PDE10A: variants seen among roughly 807,000 people sequenced by gnomAD.
PDE10A encodes the protein phosphodiesterase 10A.
PDE10A carries 39 observed loss-of-function variants against 97.7 expected under a neutral mutation model. That is an observed-to-expected ratio of 0.40 (90% CI 0.31 to 0.52). PDE10A has a LOEUF of 0.52. PDE10A is among the 20% of genes least tolerant of loss of function. PDE10A has a pLI of 0.56. For missense variants in PDE10A, 731 were observed against 1,047.8 expected, an observed-to-expected ratio of 0.70 and a Z score of 4.17; for synonymous variants, 371 against 376.8, an observed-to-expected ratio of 0.98 and a Z score of 0.18.
At chr6:165,730,907 G>T (rs965059800) in intron 1 of PDE10A, among the ~76,000 whole-genome samples, 1 of 151,202 alleles carries the variant, frequency 6.6e-6, no homozygotes, top group Admixed American at 6.6e-5. Context: ...TTAGCCTGGC[G>T]TGGTGGCGGG....
intron 1 of PDE10A, among the ~76,000 whole-genome samples, chr6:165,744,314 T>G (rs898769939): frequency 1.3e-5 from 2 of 152,232 alleles, no homozygotes; most frequent in African/African-American, 4.8e-5. Context: ...TAGTAAAGAC[T>G]GTGCCAGTTT....
chr6:165,378,960 T>G (rs988375359), intron 18 of PDE10A, among the ~76,000 whole-genome samples: 3 of 152,200 alleles, frequency 2.0e-5, no homozygotes, highest in African/African-American at 4.8e-5. Flanking sequence ...CCTGTGTGAT[T>G]AGTGTAACTT....
intron 1 of PDE10A, among the ~76,000 whole-genome samples, chr6:165,850,270 G>A (rs1160580570): frequency 6.6e-6 from 1 of 152,150 alleles, no homozygotes; most frequent in Non-Finnish European, 1.5e-5. Context: ...CATCATCCGT[G>A]CAAATATCAT....
chr6:165,599,444 G>A (rs1383830810), intron 1 of PDE10A, among the ~76,000 whole-genome samples: 1 of 152,146 alleles, frequency 6.6e-6, no homozygotes, highest in Non-Finnish European at 1.5e-5. Context: ...ACATTTCAGT[G>A]TTAGTTTTCA....
chr6:165,723,975 G>A (rs1183442598), intron 1 of PDE10A, among the ~76,000 whole-genome samples: 1 of 152,106 alleles, frequency 6.6e-6, no homozygotes, highest in East Asian at 1.9e-4. Context: ...GGTTATGTAA[G>A]CGATTCCACA....
intron 1 of PDE10A, among the ~76,000 whole-genome samples, chr6:165,617,564 G>C (rs1787785078): frequency 6.6e-6 from 1 of 152,100 alleles, no homozygotes; most frequent in Admixed American, 6.6e-5. Flanking sequence ...GGGGAGGTGG[G>C]AGTAATGGAG....
chr6:165,489,082 T>A (rs1765329146), intron 2 of PDE10A, among the ~76,000 whole-genome samples: 1 of 152,122 alleles, frequency 6.6e-6, no homozygotes, highest in African/African-American at 2.4e-5. Flanking sequence ...GTCTTCTCAC[T>A]ATACAACCTC....
Position 165,458,010 on chromosome 6 carries a change from C to T in PDE10A, c.1024-7648G>A, listed in dbSNP as rs552865533. Among the ~76,000 whole-genome samples the T allele has an allele frequency of 5.8e-4, 88 of 152,074 alleles. 1 individual carries two copies. The highest frequency in any genetic ancestry group is 1.1e-3 in the Non-Finnish European group (73 of 67,978). On this transcript the variant is annotated intron_variant, in intron 3 of 21. Coordinates refer to ENST00000539869, the MANE Select transcript of PDE10A (RefSeq NM_001385079.1). The stretch of plus-strand genomic sequence containing the variant: ...CAGAAGGCCAACAATAAACAAGAAG[C>T]CATAATGAGACAAATGTTAAATTGG...
At chr6:165,538,578 T>C (rs1427844682) in intron 2 of PDE10A, among the ~76,000 whole-genome samples, 1 of 152,156 alleles carries the variant, frequency 6.6e-6, no homozygotes, top group Non-Finnish European at 1.5e-5. Flanking sequence ...ATGCCAAATA[T>C]AGTCATGCTA....
At chr6:165,689,043 C>T (rs146577324) in intron 1 of PDE10A, among the ~76,000 whole-genome samples, 21 of 152,208 alleles carry the variant, frequency 1.4e-4, no homozygotes, top group South Asian at 4.1e-4. Flanking sequence ...TCCATTGGCA[C>T]GGCTTATGCA....
chr6:165,476,124 A>C (rs1779281252), intron 3 of PDE10A, among the ~76,000 whole-genome samples: 1 of 152,202 alleles, frequency 6.6e-6, no homozygotes, highest in South Asian at 2.1e-4. Context: ...ACATTTAAAA[A>C]AAAATCAGCA....
intron 1 of PDE10A, among the ~76,000 whole-genome samples, chr6:165,769,784 T>C (rs1331482058): frequency 1.3e-5 from 2 of 152,320 alleles, no homozygotes; most frequent in East Asian, 1.9e-4. Flanking sequence ...AGAGAGGGCA[T>C]TGGTGCTCCG....
chr6:165,822,690 T>G (rs890518176), intron 1 of PDE10A, among the ~76,000 whole-genome samples: 1 of 151,706 alleles, frequency 6.6e-6, no homozygotes, highest in Non-Finnish European at 1.5e-5. Flanking sequence ...GAGTGATAAG[T>G]GAGTGGTGAG....
intron 1 of PDE10A, among the ~76,000 whole-genome samples, chr6:165,600,726 G>A (rs1016788681): frequency 8.5e-5 from 13 of 152,140 alleles, no homozygotes. Flanking sequence ...CACAGTATGT[G>A]TTGTATAACG....
intron 2 of PDE10A, among the ~76,000 whole-genome samples, chr6:165,526,194 T>C (rs1004986634): frequency 6.6e-5 from 10 of 152,194 alleles, no homozygotes; most frequent in Non-Finnish European, 1.3e-4. Context: ...TAGTGGACAC[T>C]GGCTCTGAGC....
chr6:165,912,749 C>G (rs1159610732), intron 1 of PDE10A, among the ~76,000 whole-genome samples: 1 of 152,114 alleles, frequency 6.6e-6, no homozygotes, highest in Non-Finnish European at 1.5e-5. Flanking sequence ...TAGAAATACA[C>G]AAAAAGTAAG....
intron 2 of PDE10A, among the ~76,000 whole-genome samples, chr6:165,501,740 TGTAGA>T (rs1320769813): frequency 3.3e-5 from 5 of 152,232 alleles, no homozygotes; most frequent in African/African-American, 1.2e-4. Flanking sequence ...CAAATTGATC[TGTAGA>T]GTAAATACAG....
chr6:165,825,455 A>C (rs1355350649), intron 1 of PDE10A, among the ~76,000 whole-genome samples: 1 of 152,198 alleles, frequency 6.6e-6, no homozygotes, highest in African/African-American at 2.4e-5. Context: ...TAGATCCCTG[A>C]AATACGGCCC....
rs1781218530 is a variant in PDE10A, at chr6:165,329,402, A to G, written c.*3623T>C. On this transcript the variant is annotated 3_prime_UTR_variant, in exon 22 of 22. Coordinates refer to ENST00000539869, the MANE Select transcript of PDE10A (RefSeq NM_001385079.1). ...TATTTTCAATTATACTTAAGCAAGA[A>G]AAGCAAAATAATAAATACATGAATG... 1 of 152,254 alleles carries G rather than the reference A, an allele frequency of 6.6e-6. No individual in the cohort carries two copies. The highest frequency in any genetic ancestry group is 2.4e-5 in the African/African-American group (1 of 41,468). 9.4% of individuals were successfully genotyped at this position (152,254 alleles called of 1,614,324 possible).
Sources: gnomAD v4.1 joint callset for allele counts (sites outside exome capture counted in the v4.1 genomes callset) on GRCh38, gnomAD v4.1.1 for gene constraint, MANE v1.5 for transcripts, NCBI Gene and HGNC (gene_info 2026-07-23, HGNC 2026-07-21) for gene names.